The following MIS18A variants were observed in gnomAD, a reference collection of about 807,000 sequenced individuals.
MIS18A encodes MIS18 kinetochore protein A.
Under a neutral mutation model 25.0 loss-of-function variants are expected in MIS18A, and 14 were observed. That is an observed-to-expected ratio of 0.56 (90% CI 0.37 to 0.88). The LOEUF is 0.88. Ranked by LOEUF, MIS18A falls within the 40% of genes least tolerant of loss-of-function variation. The pLI is 0.00. For synonymous variants in MIS18A, 134 were observed against 118.6 expected (o/e 1.13, Z -0.84); for missense variants, 292 against 290.8 (o/e 1.00, Z -0.03).
chr21:32,244,735 A>AAACC, the MIS18A span, among the ~76,000 whole-genome samples: 10 of 152,166 alleles, frequency 6.6e-5, no homozygotes, highest in South Asian at 2.1e-4. Context: ...CCTGTCTCAG[A>AAACC]AACCAACCAA....
chr21:32,171,505 A>G, the MIS18A span, among the ~76,000 whole-genome samples: 7 of 152,106 alleles, frequency 4.6e-5, no homozygotes, highest in Non-Finnish European at 8.8e-5. Flanking sequence ...AGACAATTTC[A>G]TCATTGTATG....
the MIS18A span, chr21:32,261,270 TCAGA>T: frequency 2.8e-4 from 42 of 152,326 alleles, no homozygotes; most frequent in African/African-American, 9.9e-4. Flanking sequence ...TTTAGGGATT[TCAGA>T]CAGACAGTAA....
chr21:32,244,998 A>C, the MIS18A span, among the ~76,000 whole-genome samples: 1 of 152,230 alleles, frequency 6.6e-6, no homozygotes, highest in Non-Finnish European at 1.5e-5. Flanking sequence ...GAAAAAATGG[A>C]CTGTTCACAA....
the MIS18A span, among the ~76,000 whole-genome samples, chr21:32,157,054 C>CTTTTTTTTT: frequency 8.2e-5 from 10 of 121,540 alleles, no homozygotes; most frequent in East Asian, 2.4e-4. Flanking sequence ...TTCTTTCTTT[C>CTTTTTTTTT]TTTTTTTTTT....
chr21:32,173,955 GTTTTTTTTTTTTTTT>G, the MIS18A span, among the ~76,000 whole-genome samples: 2 of 92,614 alleles, frequency 2.2e-5, no homozygotes, highest in African/African-American at 8.6e-5. Context: ...TACTTTTTAA[GTTTTTTTTTTTTTTT>G]TTTTTTTTTT....
At chr21:32,202,122 C>T in the MIS18A span, among the ~76,000 whole-genome samples, 1 of 151,892 alleles carries the variant, frequency 6.6e-6, no homozygotes, top group Non-Finnish European at 1.5e-5. Flanking sequence ...GACGTTGTCT[C>T]TACAAACAAT....
chr21:32,228,523 T>C, the MIS18A span, among the ~76,000 whole-genome samples: 1 of 152,178 alleles, frequency 6.6e-6, no homozygotes, highest in Non-Finnish European at 1.5e-5. Flanking sequence ...GAAAGAGAAA[T>C]AAAAGACATC....
chr21:32,209,063 A>G, the MIS18A span, among the ~76,000 whole-genome samples: 1 of 152,210 alleles, frequency 6.6e-6, no homozygotes, highest in Non-Finnish European at 1.5e-5. Context: ...TTATTTATGT[A>G]AGGAAGTCAC....
chr21:32,248,436 C>G, the MIS18A span, among the ~76,000 whole-genome samples: 1 of 152,160 alleles, frequency 6.6e-6, no homozygotes, highest in African/African-American at 2.4e-5. Flanking sequence ...CCCCTGAGCG[C>G]TCAGCTAGGA....
chr21:32,184,706 A>G, the MIS18A span, among the ~76,000 whole-genome samples: 1 of 152,030 alleles, frequency 6.6e-6, no homozygotes, highest in Non-Finnish European at 1.5e-5. Flanking sequence ...AGATGCACAA[A>G]TGCGCGCTCA....
chr21:32,235,793 T>C, the MIS18A span, among the ~76,000 whole-genome samples: 1 of 151,974 alleles, frequency 6.6e-6, no homozygotes, highest in Non-Finnish European at 1.5e-5. Context: ...CAACCCACCA[T>C]GGAGAACAAG....
chr21:32,165,948 G>A, the MIS18A span, among the ~76,000 whole-genome samples: 5 of 152,118 alleles, frequency 3.3e-5, no homozygotes, highest in Non-Finnish European at 7.4e-5. Context: ...CTAGTGAACA[G>A]GCATTATCAC....
the MIS18A span, among the ~76,000 whole-genome samples, chr21:32,253,894 TAG>T: frequency 1.9e-4 from 29 of 152,214 alleles, no homozygotes; most frequent in Non-Finnish European, 3.5e-4. Flanking sequence ...GTTGATTTAA[TAG>T]AGTTTTTTTT....
At chr21:32,188,003 GTC>G in the MIS18A span, among the ~76,000 whole-genome samples, 6 of 149,984 alleles carry the variant, frequency 4.0e-5, no homozygotes, top group South Asian at 2.1e-4. Flanking sequence ...CTCCCTTTCT[GTC>G]TCTCTCTCTC....
chr21:32,251,754 T>G, the MIS18A span, among the ~76,000 whole-genome samples: 2 of 152,260 alleles, frequency 1.3e-5, no homozygotes, highest in African/African-American at 4.8e-5. Context: ...TCCAAACTAA[T>G]GTCTTTTGCC....
At chr21:32,201,615 G>A in the MIS18A span, among the ~76,000 whole-genome samples, 1 of 152,236 alleles carries the variant, frequency 6.6e-6, no homozygotes, top group Middle Eastern at 3.4e-3. Context: ...GAAACCAGGA[G>A]TTTGAGACCA....
chr21:32,200,540 T>C, the MIS18A span, among the ~76,000 whole-genome samples: 1 of 151,904 alleles, frequency 6.6e-6, no homozygotes, highest in Non-Finnish European at 1.5e-5. Context: ...TTCATGCCAT[T>C]CTCCTGCCTC....
At chr21:32,237,655 A>G in the MIS18A span, among the ~76,000 whole-genome samples, 1 of 152,220 alleles carries the variant, frequency 6.6e-6, no homozygotes, top group Admixed American at 6.5e-5. Flanking sequence ...CTTTTATAAA[A>G]TAAGAGTCTT....
chr21:32,173,872 T>C, the MIS18A span, among the ~76,000 whole-genome samples: 55 of 152,006 alleles, frequency 3.6e-4, no homozygotes, highest in Non-Finnish European at 7.1e-4. Flanking sequence ...TCTGTGGATA[T>C]ACTAAAACCA....
Sources: allele counts gnomAD v4.1 joint callset (sites outside exome capture counted in the v4.1 genomes callset), GRCh38; gene constraint gnomAD v4.1.1; transcripts MANE v1.5; gene names NCBI Gene and HGNC (gene_info 2026-07-23, HGNC 2026-07-21).